Variants in RNF103 observed in about 807,000 individuals in gnomAD.
RNF103 encodes the protein E3 ubiquitin-protein ligase RNF103.
A neutral mutation model predicts 66.2 loss-of-function variants in RNF103; 23 were observed. That is an observed-to-expected ratio of 0.35 (90% CI 0.25 to 0.49). RNF103 has a LOEUF of 0.49. RNF103 is among the 20% of genes least tolerant of loss of function. The probability of loss-of-function intolerance (pLI) is 0.98; values close to 1 mark genes in which losing one functional copy is unlikely to be tolerated. For synonymous variants in RNF103, 297 were observed against 289.9 expected (o/e 1.02, Z -0.25); for missense variants, 730 against 814.7 (o/e 0.90, Z 1.27).
At chr2:86,621,173 C>T (rs1654559463) in intron 1 of RNF103, among the ~76,000 whole-genome samples, 1 of 152,152 alleles carries the variant, frequency 6.6e-6, no homozygotes, top group African/African-American at 2.4e-5. Flanking sequence ...AACTGCTATA[C>T]CATGACTTTT....
rs1188021781 is a variant in RNF103 at position 86,606,684 on chromosome 2, A to AAAAG, written c.483-1270_483-1267dup. Among the ~76,000 whole-genome samples, 262 of 148,852 alleles carry AAAAG rather than the reference A, an allele frequency of 1.8e-3. 5 individuals carry two copies. Among genetic ancestry groups the AAAAG allele is most frequent in the East Asian group, 7.2e-3 (36 of 5,006 alleles). On this transcript the variant is annotated intron_variant, in intron 3 of 3. Coordinates refer to ENST00000237455, the MANE Select transcript of RNF103 (RefSeq NM_005667.4). ...TCTCAAAAAAAAAAAAAAAAAAAAA[A>AAAAG]AAAGAAAGAACAATGAAAACAGCTG...
chr2:86,616,605 G>C (rs1679034400), intron 2 of RNF103: 9 of 985,230 alleles, frequency 9.1e-6, no homozygotes, highest in South Asian at 4.7e-5. Flanking sequence ...AGATAAACAA[G>C]TTTAAAATCA....
chr2:86,617,303 A>G (rs899602102), intron 2 of RNF103: 2 of 985,344 alleles, frequency 2.0e-6, no homozygotes, highest in African/African-American at 3.5e-5. Context: ...AGAACAAATT[A>G]GTCAGCTTCT....
chr2:86,615,915 A>G (rs1235566637), intron 2 of RNF103, among the ~76,000 whole-genome samples: 2 of 152,196 alleles, frequency 1.3e-5, no homozygotes, highest in East Asian at 3.8e-4. Context: ...TATTTATGTC[A>G]AACCAAACAA....
Position 86,604,091 on chromosome 2 carries a change from T to C in RNF103, c.1810A>G (p.Met604Val), listed in dbSNP as rs200139147. Residue 604 changes from methionine (M) to valine (V), a missense_variant, in exon 4 of 4, where the codon ATG becomes GTG. Met to Val is a conservative substitution (Grantham distance 21). Coordinates refer to ENST00000237455, the MANE Select transcript of RNF103 (RefSeq NM_005667.4). ...SYGSYNTNED[M>V]EPDWLTWPAD... is the part of the protein sequence containing the mutation. ...GGCCAAGTTAACCAATCAGGTTCCA[T>C]ATCTTCATTAGTGTTATATGATCCA... 3.0e-5 allele frequency: 48 copies of C among 1,613,670 alleles called. No individual in the cohort carries two copies. Among genetic ancestry groups the C allele is most frequent in the Non-Finnish European group, 4.0e-5 (47 of 1,180,044 alleles).
chr2:86,605,562 A>C, intron 3 of RNF103, 144 bp from the exon 4 acceptor site: 1 of 714,782 alleles, frequency 1.4e-6, no homozygotes, highest in Non-Finnish European at 2.2e-6. Flanking sequence ...GCAGCTGTGA[A>C]AAACAAGCTC....
At chr2:86,613,131 G>T (rs1255400162) in intron 2 of RNF103, 1 of 152,242 alleles carries the variant, frequency 6.6e-6, no homozygotes, top group Non-Finnish European at 1.5e-5. Context: ...ATGGTGGCAG[G>T]CACCTATAGT....
At position 86,604,277 on chromosome 2, in the gene RNF103, C is replaced by T. The variant is rs760179676; in HGVS notation, c.1624G>A (p.Glu542Lys). The T allele has an allele frequency of 6.2e-7, 1 of 1,614,236 alleles. No homozygotes were observed. The highest frequency in any genetic ancestry group is 1.1e-5 in the South Asian group (1 of 91,078). ...TCACTACTCAAAGTGTCTGTGTTCT[C>T]ACTTTCCGAGTCATTTTCAGTATCT... ...SQDTENDSES[E>K]NTDTLSSEKE... Residue 542 changes from glutamate (E) to lysine (K), a missense_variant, in exon 4 of 4, where the codon GAG (glutamate) becomes AAG (lysine). Coordinates refer to ENST00000237455, the MANE Select transcript of RNF103 (RefSeq NM_005667.4).
intron 3 of RNF103, 35 bp from the exon 4 acceptor site, chr2:86,605,453 C>A (rs185155907): frequency 6.5e-7 from 1 of 1,538,650 alleles, no homozygotes; most frequent in Admixed American, 2.2e-5. Flanking sequence ...AACAGCTAGG[C>A]TGTAATGCAA....
At chr2:86,606,429 C>T (rs1678551537) in intron 3 of RNF103, among the ~76,000 whole-genome samples, 1 of 152,000 alleles carries the variant, frequency 6.6e-6, no homozygotes, top group South Asian at 2.1e-4. Context: ...CTTTGGGAGG[C>T]CAAGGTGGGC....
At chr2:86,606,553 C>T (rs1573352551) in intron 3 of RNF103, among the ~76,000 whole-genome samples, 1 of 150,292 alleles carries the variant, frequency 6.7e-6, no homozygotes, top group East Asian at 2.0e-4. Flanking sequence ...ATCCCAGCTA[C>T]TTGGGAGGCT....
In RNF103 at chr2:86,623,079, ACG is replaced by A. The variant is rs1679298416; in HGVS notation, c.-195_-194del. On this transcript the variant is annotated 5_prime_UTR_variant, in exon 1 of 4. The change abolishes the stop of an existing upstream ORF in the 5' untranslated region. Transcript: ENST00000237455. ...GGATCCGCGCGGGCGCGAGGCGGCG[ACG>A]AGGGACGCAGAGACGCAGAGCCTCG... 7.7e-7 allele frequency: 1 copy of A among 1,292,158 alleles called. No individual in the cohort carries two copies. The highest frequency in any genetic ancestry group is 3.5e-5 in the East Asian group (1 of 28,880). 80.0% of individuals were successfully genotyped at this position (1,292,158 alleles called of 1,614,324 possible).
In RNF103 at chr2:86,611,179, C is replaced by CAA. The variant is rs397978650; in HGVS notation, c.482+978_482+979dup. Among the ~76,000 whole-genome samples, 308 of 131,486 alleles carry CAA rather than the reference C, an allele frequency of 2.3e-3. 4 individuals carry two copies. The highest frequency in any genetic ancestry group is 8.0e-3 in the African/African-American group (296 of 36,946). 86.3% of individuals were successfully genotyped at this position (131,486 alleles called of 152,430 possible). A position where few individuals can be genotyped will look rare whatever the true frequency, so the allele number is the denominator to read the frequency against. The stretch of plus-strand genomic sequence containing the variant: ...TGAGTCACAGAGCCAAATCCTGTCT[C>CAA]AAAAAAAAAAAAAATCAGAAAAAAA... On this transcript the variant is annotated intron_variant, in intron 3 of 3. Coordinates refer to ENST00000237455, the MANE Select transcript of RNF103 (RefSeq NM_005667.4).
rs1678428293 is a variant in RNF103, at chr2:86,603,621, T to C, written c.*222A>G. The C allele has an allele frequency of 1.8e-6, 1 of 547,280 alleles. No individual in the cohort carries two copies. The highest frequency in any genetic ancestry group is 3.0e-6 in the Non-Finnish European group (1 of 328,146). 33.9% of individuals were successfully genotyped at this position (547,280 alleles called of 1,614,324 possible). ...GTGCTTACAAAAAAACATTAACTTC[T>C]GAATTTCCAATGTTGTAAATAAAAA... On this transcript the variant is annotated 3_prime_UTR_variant, in exon 4 of 4. Transcript: ENST00000237455.
At chr2:86,607,090 C>A (rs1389266223) in intron 3 of RNF103, among the ~76,000 whole-genome samples, 1 of 151,894 alleles carries the variant, frequency 6.6e-6, no homozygotes, top group Non-Finnish European at 1.5e-5. Context: ...CAAAACCTAC[C>A]ATGTGAAATT....
intron 3 of RNF103, among the ~76,000 whole-genome samples, chr2:86,610,715 T>A (rs1678756539): frequency 6.6e-6 from 1 of 152,128 alleles, no homozygotes; most frequent in South Asian, 2.1e-4. Flanking sequence ...AATAGTGATA[T>A]GAATACTGAC....
intron 3 of RNF103, among the ~76,000 whole-genome samples, chr2:86,611,020 A>AC (rs1376602591): frequency 6.6e-6 from 1 of 151,698 alleles, no homozygotes; most frequent in Non-Finnish European, 1.5e-5. Flanking sequence ...CAAAAAAAAA[A>AC]AAAAAATTAG....
intron 3 of RNF103, among the ~76,000 whole-genome samples, chr2:86,611,480 A>G (rs1678789055): frequency 6.6e-6 from 1 of 152,222 alleles, no homozygotes; most frequent in South Asian, 2.1e-4. Context: ...AATGGAAAAA[A>G]AGGCATTTCA....
chr2:86,606,592 G>A (rs897368546), intron 3 of RNF103, among the ~76,000 whole-genome samples: 1 of 150,458 alleles, frequency 6.6e-6, no homozygotes, highest in Non-Finnish European at 1.5e-5. Flanking sequence ...GAACCCGGGA[G>A]GCAGAGGGTG....
Sources: allele counts gnomAD v4.1 joint callset (sites outside exome capture counted in the v4.1 genomes callset), GRCh38; gene constraint gnomAD v4.1.1; transcripts MANE v1.5; gene names NCBI Gene and HGNC (gene_info 2026-07-23, HGNC 2026-07-21).